BTBD9: variants seen among roughly 807,000 people sequenced by gnomAD.
BTBD9 encodes the protein BTB/POZ domain-containing protein 9.
Under a neutral mutation model 64.3 loss-of-function variants are expected in BTBD9, and 49 were observed. The ratio of observed to expected loss-of-function variants is 0.76; its 90% CI spans 0.61 to 0.97. BTBD9 has a LOEUF of 0.97. Among genes scored for constraint, BTBD9 ranks in the 50% least tolerant of loss-of-function variants. BTBD9 has a pLI of 0.00. For missense variants in BTBD9, 598 were observed against 762.1 expected, an observed-to-expected ratio of 0.78 and a Z score of 2.53; for synonymous variants, 260 against 274.7, an observed-to-expected ratio of 0.95 and a Z score of 0.53.
Position 38,449,720 on chromosome 6 carries a change from C to T in BTBD9, c.1155-104627G>A, listed in dbSNP as rs569035600. Among the ~76,000 whole-genome samples the T allele has an allele frequency of 6.6e-5, 10 of 150,764 alleles. No homozygotes were observed. The South Asian group carries it at 8.4e-4, about 13-fold the overall frequency. ...AGGAGTTCGAGACCAGTCTGGGCAA[C>T]GTAGTGAGACCTCATCTCTATTTTT... is the stretch of plus-strand genomic sequence containing the variant. On this transcript the variant is annotated intron_variant, in intron 6 of 10. Coordinates refer to ENST00000481247, the MANE Select transcript of BTBD9 (RefSeq NM_001099272.2).
rs893905401 is a variant in BTBD9 at position 38,288,197 on chromosome 6, TATC to T, written c.1454+72_1454+74del. 5 of 1,423,450 alleles carry T rather than the reference TATC, an allele frequency of 3.5e-6. No individual in the cohort carries two copies. In the African/African-American group the frequency reaches 7.1e-5, roughly 20 times the overall value. The allele number at this position is 1,423,450 out of a possible 1,614,324, so 88.2% of individuals were successfully genotyped here. A position where few individuals can be genotyped will look rare whatever the true frequency, so the allele number is the denominator to read the frequency against. On this transcript the variant is annotated intron_variant, in intron 8 of 10. Transcript: ENST00000481247. ...ATTTCTTCACTGAAGTTATTAGGAT[TATC>T]ATTTTACCAAAATACAATCTATATG... is the stretch of plus-strand genomic sequence containing the variant.
At chr6:38,378,958 G>A (rs1765808136) in intron 6 of BTBD9, among the ~76,000 whole-genome samples, 1 of 152,100 alleles carries the variant, frequency 6.6e-6, no homozygotes. Flanking sequence ...CTTAGAGCTG[G>A]TGTTTGCTCT....
At chr6:38,256,798 T>A (rs2127535242) in intron 8 of BTBD9, among the ~76,000 whole-genome samples, 1 of 152,336 alleles carries the variant, frequency 6.6e-6, no homozygotes, top group South Asian at 2.1e-4. Flanking sequence ...TGTCCCCAGA[T>A]CACCTTTCCA....
intron 7 of BTBD9, among the ~76,000 whole-genome samples, chr6:38,300,649 G>A (rs1457098284): frequency 6.6e-6 from 1 of 152,076 alleles, no homozygotes; most frequent in Non-Finnish European, 1.5e-5. Flanking sequence ...CTCATGATTT[G>A]GCTCTCTGTT....
intron 1 of BTBD9, among the ~76,000 whole-genome samples, chr6:38,634,232 T>C (rs186712551): frequency 2.0e-5 from 3 of 152,356 alleles, no homozygotes; most frequent in East Asian, 3.9e-4. Flanking sequence ...TTTCCTTATA[T>C]AGTGGAACTC....
At chr6:38,196,095 C>T (rs1459263049) in intron 9 of BTBD9, among the ~76,000 whole-genome samples, 6 of 152,202 alleles carry the variant, frequency 3.9e-5, no homozygotes, top group East Asian at 1.9e-4. Context: ...TCATGGGTGA[C>T]GGTCAAGACA....
chr6:38,569,706 C>G (rs1185448245), intron 6 of BTBD9, among the ~76,000 whole-genome samples: 1 of 152,068 alleles, frequency 6.6e-6, no homozygotes, highest in East Asian at 1.9e-4. Flanking sequence ...AACAAAGAAG[C>G]TTGGATTCAA....
chr6:38,212,945 A>T (rs1402225995), intron 9 of BTBD9, among the ~76,000 whole-genome samples: 1 of 152,184 alleles, frequency 6.6e-6, no homozygotes, highest in Admixed American at 6.5e-5. Flanking sequence ...AGAATTTGGC[A>T]ATTTCATTTC....
intron 9 of BTBD9, among the ~76,000 whole-genome samples, chr6:38,214,206 C>T (rs188650707): frequency 1.1e-3 from 172 of 152,290 alleles, no homozygotes; most frequent in African/African-American, 4.0e-3. Context: ...CCAAGTCACT[C>T]TCTGGCCCCT....
chr6:38,209,334 A>T (rs1762756534), intron 9 of BTBD9, among the ~76,000 whole-genome samples: 2 of 152,364 alleles, frequency 1.3e-5, no homozygotes, highest in South Asian at 4.1e-4. Flanking sequence ...TTGCGGATTT[A>T]GCACCAGAAC....
At chr6:38,534,752 C>T (rs1212948322) in intron 6 of BTBD9, among the ~76,000 whole-genome samples, 1 of 152,032 alleles carries the variant, frequency 6.6e-6, no homozygotes, top group Non-Finnish European at 1.5e-5. Context: ...ATCATATCAA[C>T]AGAATGAGGA....
chr6:38,614,532 C>G (rs933369634), intron 1 of BTBD9, among the ~76,000 whole-genome samples: 3 of 152,154 alleles, frequency 2.0e-5, no homozygotes, highest in Non-Finnish European at 1.5e-5. Flanking sequence ...TACATTTGCA[C>G]TTACTTTTCT....
intron 1 of BTBD9, among the ~76,000 whole-genome samples, chr6:38,622,529 A>T (rs1406644230): frequency 2.0e-5 from 3 of 152,184 alleles, no homozygotes; most frequent in African/African-American, 7.2e-5. Context: ...CACAATCCTC[A>T]GGCCCCATCT....
chr6:38,387,898 G>C (rs1394643205), intron 6 of BTBD9, among the ~76,000 whole-genome samples: 2 of 152,010 alleles, frequency 1.3e-5, no homozygotes, highest in Non-Finnish European at 2.9e-5. Flanking sequence ...GAAAAATAAC[G>C]GCCCGCTTCA....
At chr6:38,638,442 C>T (rs1038585724) in intron 1 of BTBD9, among the ~76,000 whole-genome samples, 1 of 152,182 alleles carries the variant, frequency 6.6e-6, no homozygotes, top group Non-Finnish European at 1.5e-5. Flanking sequence ...ACCACTTGAG[C>T]ATAGTGTGCT....
chr6:38,539,181 C>T (rs1774155723), intron 6 of BTBD9, among the ~76,000 whole-genome samples: 1 of 152,218 alleles, frequency 6.6e-6, no homozygotes, highest in Non-Finnish European at 1.5e-5. Context: ...ATCCTCCCAT[C>T]TTGGCCTCCC....
intron 6 of BTBD9, among the ~76,000 whole-genome samples, chr6:38,350,314 T>C (rs1013744657): frequency 3.9e-5 from 6 of 152,220 alleles, no homozygotes; most frequent in African/African-American, 1.2e-4. Flanking sequence ...CTAGATTTAA[T>C]TTCTAAGGCA....
chr6:38,424,154 T>G lies in BTBD9; in HGVS notation c.1155-79061A>C, dbSNP rs556788246. Among the ~76,000 whole-genome samples the G allele has an allele frequency of 2.1e-4, 32 of 152,130 alleles. 1 individual carries two copies. The South Asian group carries it at 6.6e-3, about 32-fold the overall frequency. On this transcript the variant is annotated intron_variant, in intron 6 of 10. Coordinates refer to ENST00000481247, the MANE Select transcript of BTBD9 (RefSeq NM_001099272.2). ...AAAACTTGTGAATGACTGAATGAGT[T>G]TCAAGTGGATTATATTTCCAAGGCA...
At chr6:38,410,065 A>G (rs951916801) in intron 6 of BTBD9, among the ~76,000 whole-genome samples, 6 of 152,232 alleles carry the variant, frequency 3.9e-5, no homozygotes, top group Non-Finnish European at 5.9e-5. Flanking sequence ...AAATCATTCC[A>G]CTTGCTCAAA....
Sources: allele counts gnomAD v4.1 joint callset (sites outside exome capture counted in the v4.1 genomes callset), GRCh38; gene constraint gnomAD v4.1.1; transcripts MANE v1.5; gene names NCBI Gene and HGNC (gene_info 2026-07-23, HGNC 2026-07-21).